Variants in RUNDC3A observed in about 807,000 individuals in gnomAD.
RUNDC3A encodes the protein RUN domain-containing protein 3A.
RUNDC3A carries 28 observed loss-of-function variants against 53.9 expected under a neutral mutation model. The ratio of observed to expected loss-of-function variants is 0.52; its 90% CI spans 0.38 to 0.71. The LOEUF is 0.71. RUNDC3A is among the 30% of genes least tolerant of loss of function. The pLI, the probability that RUNDC3A is intolerant of heterozygous loss-of-function variation, is 0.00. For synonymous variants in RUNDC3A, 232 were observed against 249.4 expected, an observed-to-expected ratio of 0.93 and a Z score of 0.66; for missense variants, 491 against 597.3, an observed-to-expected ratio of 0.82 and a Z score of 1.85.
At chr17:44,312,984 T>TGC in intron 2 of RUNDC3A, 120 bp from the exon 3 acceptor site, 1 of 1,100,072 alleles carries the variant, frequency 9.1e-7, no homozygotes, top group Non-Finnish European at 1.3e-6. Flanking sequence ...CACACGTGCA[T>TGC]GTGTGTGCAC....
Position 44,317,664 on chromosome 17 carries a change from A to G in RUNDC3A, c.1199-432A>G, listed in dbSNP as rs571209556. On this transcript the variant is annotated intron_variant, in intron 10 of 10. Transcript: ENST00000426726. The stretch of plus-strand genomic sequence containing the variant: ...ACCACACTGTATTGGATGACCCTAG[A>G]TCTTCTTTGAGACAAGGCAGGCTGT... 91 of 670,236 alleles carry G rather than the reference A, an allele frequency of 1.4e-4. No individual in the cohort carries two copies. In the African/African-American group the frequency reaches 1.4e-3, roughly 10 times the overall value. 41.5% of individuals were successfully genotyped at this position (670,236 alleles called of 1,614,324 possible). A position where few individuals can be genotyped will look rare whatever the true frequency, so the allele number is the denominator to read the frequency against.
Position 44,313,485 on chromosome 17 carries a change from G to T in RUNDC3A, c.440G>T (p.Arg147Leu). 1 of 1,610,932 alleles carries T rather than the reference G, an allele frequency of 6.2e-7. No homozygotes were observed. Among genetic ancestry groups the T allele is most frequent in the Non-Finnish European group, 8.5e-7 (1 of 1,177,414 alleles). ...TCAGAATACATCACCACGGCTCTGCGTGACACCCGGACCACCAGGTCAGAC... is the reference window on the plus strand; with the variant it reads ...TCAGAATACATCACCACGGCTCTGCTTGACACCCGGACCACCAGGTCAGAC... ...RMSEYITTAL[R>L]DTRTTRRFYD... is the part of the protein sequence containing the mutation. The change falls in exon 4 of 11, where the codon CGT (arginine) becomes CTT (leucine). Residue 147 changes from arginine to leucine, a missense_variant. Physicochemically the swap from Arg to Leu is moderately radical, Grantham distance 102 (BLOSUM62 -2). Transcript: ENST00000426726.
chr17:44,315,927 C>T lies in RUNDC3A; in HGVS notation c.953+318C>T, dbSNP rs1441287470. Among the ~76,000 whole-genome samples, 1 of 152,138 alleles carries T rather than the reference C, an allele frequency of 6.6e-6. No individual in the cohort carries two copies. The highest frequency in any genetic ancestry group is 1.5e-5 in the Non-Finnish European group (1 of 68,034). On this transcript the variant is annotated intron_variant, in intron 8 of 10. Coordinates refer to ENST00000426726, the MANE Select transcript of RUNDC3A (RefSeq NM_001144825.2). The surrounding 1 kb of genome is among the most constrained non-coding windows in gnomAD (Gnocchi z 6.1). Reference sequence around the variant, plus strand: ...AAGGACCTGCGGTGTTGCTCTGCAACCTTCAACACGATTGCATTCATCGCC... The same window carrying T: ...AAGGACCTGCGGTGTTGCTCTGCAATCTTCAACACGATTGCATTCATCGCC...
intron 4 of RUNDC3A, 55 bp downstream of exon 4, chr17:44,313,558 C>T: frequency 3.8e-6 from 6 of 1,569,844 alleles, no homozygotes; most frequent in Non-Finnish European, 5.2e-6. Flanking sequence ...CTGCATTGCC[C>T]AAACACAGCT....
intron 1 of RUNDC3A, chr17:44,311,236 G>A: frequency 2.0e-6 from 2 of 985,580 alleles, no homozygotes; most frequent in South Asian, 4.7e-5. Context: ...AGCCTCAGAG[G>A]TCAGTGGTCC....
chr17:44,311,959 C>T (rs1000305802), intron 1 of RUNDC3A, among the ~76,000 whole-genome samples: 1 of 152,062 alleles, frequency 6.6e-6, no homozygotes. Flanking sequence ...TGGTTCTGGG[C>T]AGCTGGTGTG....
At chr17:44,310,007 T>G (rs1271948266) in intron 1 of RUNDC3A, 1 of 152,598 alleles carries the variant, frequency 6.6e-6, no homozygotes, top group Non-Finnish European at 1.5e-5. Flanking sequence ...GCTGTGCACA[T>G]CAGACCTCTG....
At chr17:44,313,536 C>T (rs1320470687) in intron 4 of RUNDC3A, 33 bp downstream of exon 4, 1 of 1,595,998 alleles carries the variant, frequency 6.3e-7, no homozygotes. Flanking sequence ...GACCACAGGT[C>T]TCAGAGTGCA....
chr17:44,314,404 T>C, intron 4 of RUNDC3A: 1 of 1,169,190 alleles, frequency 8.6e-7, no homozygotes, highest in Non-Finnish European at 1.1e-6. Context: ...CGTTTCAAGT[T>C]AACACGTTTT....
chr17:44,312,755 C>A (rs1378393506), intron 2 of RUNDC3A, 60 bp downstream of exon 2: 2 of 717,364 alleles, frequency 2.8e-6, no homozygotes, highest in African/African-American at 1.9e-5. Context: ...CCAGTGGTCC[C>A]TCCCCCAGCG....
chr17:44,312,736 G>T, intron 2 of RUNDC3A, 41 bp downstream of exon 2: 3 of 728,104 alleles, frequency 4.1e-6, no homozygotes, highest in Non-Finnish European at 3.6e-6. Context: ...CTCCCCCAGC[G>T]CCCCTCCCCC....
chr17:44,316,907 C>T, intron 10 of RUNDC3A, 182 bp downstream of exon 10: 1 of 510,184 alleles, frequency 2.0e-6, no homozygotes, highest in East Asian at 3.1e-5. Context: ...ATTGCAACCT[C>T]TGCCTCCCGG....
At position 44,318,442 on chromosome 17, in the gene RUNDC3A, G is replaced by A. The variant is rs2047919506; in HGVS notation, c.*204G>A. On this transcript the variant is annotated 3_prime_UTR_variant, in exon 11 of 11. Coordinates refer to ENST00000426726, the MANE Select transcript of RUNDC3A (RefSeq NM_001144825.2). ...TGCGGAAGAAAGCACGCTGGGCCAG[G>A]AGGCAGGGGTGCCCAAGCCACAGGG... 4.9e-6 allele frequency: 3 copies of A among 614,928 alleles called. No individual in the cohort carries two copies. The South Asian group carries it at 6.6e-5, about 14-fold the overall frequency. 38.1% of individuals were successfully genotyped at this position (614,928 alleles called of 1,614,324 possible).
chr17:44,315,275 G>T lies in RUNDC3A; in HGVS notation c.750G>T (p.Lys250Asn). ...CCGATGAGGACAGCTGGTACAGCAA[G>T]TGGCACAAGATGGAGCAGAAGTTCC... is the stretch of plus-strand genomic sequence containing the variant. ...LVTDEDSWYS[K>N]WHKMEQKFRI... Residue 250 changes from lysine (K) to asparagine (N), a missense_variant, in exon 7 of 11, where the codon AAG becomes AAT. By Grantham distance (94) the Lys-to-Asn change is moderately conservative (BLOSUM62 0). This residue lies in a region of RUNDC3A where 273 missense variants were observed against 389.0 expected (regional missense o/e 0.70). Coordinates refer to ENST00000426726, the MANE Select transcript of RUNDC3A (RefSeq NM_001144825.2). This position sits in a 1 kb window ranked among gnomAD's most constrained non-coding sequence, Gnocchi z 6.1. The T allele has an allele frequency of 6.5e-7, 1 of 1,549,986 alleles. No individual in the cohort carries two copies. Among genetic ancestry groups the T allele is most frequent in the Non-Finnish European group, 8.7e-7 (1 of 1,146,624 alleles).
chr17:44,315,183 C>T lies in RUNDC3A; in HGVS notation c.658C>T (p.Arg220Trp), dbSNP rs761924848. The T allele has an allele frequency of 2.6e-6, 4 of 1,562,348 alleles. No homozygotes were observed. Among genetic ancestry groups the T allele is most frequent in the Non-Finnish European group, 3.5e-6 (4 of 1,153,232 alleles). ...SYDYLTDEEE[R>W]HSAESSTSED... ...CGACTACCTGACGGACGAGGAGGAGCGGCACAGCGCCGAGAGCAGCACGAG... is the reference window on the plus strand; with the variant it reads ...CGACTACCTGACGGACGAGGAGGAGTGGCACAGCGCCGAGAGCAGCACGAG... The change falls in exon 7 of 11, where the codon CGG becomes TGG. Residue 220 changes from arginine to tryptophan, a missense_variant. Coordinates refer to ENST00000426726, the MANE Select transcript of RUNDC3A (RefSeq NM_001144825.2). This position sits in a 1 kb window ranked among gnomAD's most constrained non-coding sequence, Gnocchi z 6.1.
In RUNDC3A at chr17:44,318,528, C is replaced by G; in HGVS notation, c.*290C>G. On this transcript the variant is annotated 3_prime_UTR_variant, in exon 11 of 11. Transcript: ENST00000426726. ...CCTTGGCGCTCCTTCACTCATCTCC[C>G]CTGCCCCCTCAGGAACTGGTGGCCC... The G allele has an allele frequency of 2.5e-6, 1 of 405,174 alleles. No homozygotes were observed. The highest frequency in any genetic ancestry group is 3.6e-5 in the South Asian group (1 of 28,036). 25.1% of individuals were successfully genotyped at this position (405,174 alleles called of 1,614,324 possible).
intron 2 of RUNDC3A, 84 bp downstream of exon 2, chr17:44,312,779 G>T (rs570439986): frequency 9.4e-6 from 4 of 427,572 alleles, no homozygotes; most frequent in African/African-American, 7.0e-5. Flanking sequence ...CTCCCCCAGC[G>T]GTCCCTCCCC....
chr17:44,313,034 G>A (rs1232003671), intron 2 of RUNDC3A, 70 bp from the exon 3 acceptor site: 1 of 1,538,142 alleles, frequency 6.5e-7, no homozygotes, highest in Non-Finnish European at 8.9e-7. Flanking sequence ...TTATGCATGT[G>A]AGTGCCTCAC....
intron 1 of RUNDC3A, chr17:44,309,951 C>T (rs755842218): frequency 2.0e-5 from 3 of 152,862 alleles, no homozygotes; most frequent in Non-Finnish European, 2.9e-5. Flanking sequence ...TGGGCACGCA[C>T]TCCACCACAC....
Sources: gnomAD v4.1 joint callset for allele counts (sites outside exome capture counted in the v4.1 genomes callset) on GRCh38, gnomAD v4.1.1 for gene constraint, gnomAD v4.1.1 regional missense constraint, Gnocchi (gnomAD v3.1) non-coding constraint, MANE v1.5 for transcripts, NCBI Gene and HGNC (gene_info 2026-07-23, HGNC 2026-07-21) for gene names.